Variants in WWOX observed in about 807,000 individuals in gnomAD.
The protein encoded by WWOX is WW domain-containing oxidoreductase.
WWOX carries 69 observed loss-of-function variants against 46.2 expected under a neutral mutation model. The ratio of observed to expected loss-of-function variants is 1.49; its 90% CI spans 1.23 to 1.82. The LOEUF (loss-of-function observed/expected upper bound fraction) is 1.82. Among genes scored for constraint, WWOX ranks in the 40% most tolerant of loss-of-function variants. WWOX has a pLI of 0.00. For synonymous variants in WWOX, 359 were observed against 202.6 expected (o/e 1.77, Z -6.56); for missense variants, 919 against 542.6 (o/e 1.69, Z -6.89).
intron 8 of WWOX, among the ~76,000 whole-genome samples, chr16:78,928,360 G>A (rs558398115): frequency 3.7e-4 from 56 of 151,596 alleles, no homozygotes; most frequent in Non-Finnish European, 6.5e-4. Context: ...CCGCTACCAC[G>A]CCCGGCTAAT....
At position 78,848,040 on chromosome 16, in the gene WWOX, C is replaced by G. The variant is rs561018734; in HGVS notation, c.1057-363568C>G. Reference sequence around the variant, plus strand: ...GGTGCCTGGCATATGAGTGAGGTCCCTCTAGAGTCATCTAGCTACTAGCCA... The same window carrying G: ...GGTGCCTGGCATATGAGTGAGGTCCGTCTAGAGTCATCTAGCTACTAGCCA... On this transcript the variant is annotated intron_variant, in intron 8 of 8. Coordinates refer to ENST00000566780, the MANE Select transcript of WWOX (RefSeq NM_016373.4). 2.2e-3 allele frequency among the ~76,000 whole-genome samples: 336 copies of G among 152,296 alleles called. 3 individuals carry two copies. The highest frequency in any genetic ancestry group is 3.5e-3 in the Non-Finnish European group (235 of 68,024).
intron 7 of WWOX, among the ~76,000 whole-genome samples, chr16:78,430,422 C>T (rs1292743693): frequency 6.6e-6 from 1 of 152,080 alleles, no homozygotes. Flanking sequence ...GTTGCACTAC[C>T]CACCTGGAAA....
At chr16:79,156,891 C>T (rs1844380719) in intron 8 of WWOX, among the ~76,000 whole-genome samples, 1 of 151,298 alleles carries the variant, frequency 6.6e-6, no homozygotes, top group Non-Finnish European at 1.5e-5. Flanking sequence ...TAACAACTAA[C>T]AGAAAAACTT....
At chr16:78,862,395 A>G (rs1225752647) in intron 8 of WWOX, among the ~76,000 whole-genome samples, 1 of 151,556 alleles carries the variant, frequency 6.6e-6, no homozygotes, top group Non-Finnish European at 1.5e-5. Context: ...TATACACACT[A>G]TAGTGTATGT....
chr16:78,605,619 G>C (rs1224549706), intron 8 of WWOX, among the ~76,000 whole-genome samples: 1 of 152,140 alleles, frequency 6.6e-6, no homozygotes, highest in African/African-American at 2.4e-5. Flanking sequence ...CAACCCAAAT[G>C]TTAAAATTTC....
chr16:78,761,559 G>A (rs2049794901), intron 8 of WWOX, among the ~76,000 whole-genome samples: 1 of 151,944 alleles, frequency 6.6e-6, no homozygotes, highest in African/African-American at 2.4e-5. Context: ...TTTGTGGTGG[G>A]CTCACAGCTC....
At chr16:78,904,014 A>G (rs1293905420) in intron 8 of WWOX, among the ~76,000 whole-genome samples, 4 of 152,136 alleles carry the variant, frequency 2.6e-5, no homozygotes, top group African/African-American at 7.2e-5. Flanking sequence ...CTATAATCAT[A>G]TATCATCAAC....
intron 8 of WWOX, among the ~76,000 whole-genome samples, chr16:79,162,319 G>A (rs2050502578): frequency 6.6e-6 from 1 of 152,228 alleles, no homozygotes; most frequent in African/African-American, 2.4e-5. Context: ...TCAAAGTACA[G>A]TTTCCTGCCT....
chr16:78,278,659 A>T (rs762185318), intron 5 of WWOX: 2 of 1,608,714 alleles, frequency 1.2e-6, no homozygotes, highest in Admixed American at 3.3e-5. Flanking sequence ...TCCACTAGCA[A>T]AAGAAGGAAA....
intron 8 of WWOX, among the ~76,000 whole-genome samples, chr16:78,949,154 T>C (rs975770715): frequency 6.6e-6 from 1 of 152,138 alleles, no homozygotes; most frequent in Admixed American, 6.5e-5. Context: ...CTGAATAGGT[T>C]TGGCAGCAGA....
chr16:78,415,753 G>C (rs183097968), intron 6 of WWOX, among the ~76,000 whole-genome samples: 194 of 152,282 alleles, frequency 1.3e-3, no homozygotes, highest in African/African-American at 4.5e-3. Flanking sequence ...CTCCACTCTT[G>C]CCAGAAAGCC....
chr16:78,895,534 A>G (rs927707583), intron 8 of WWOX: 5 of 152,180 alleles, frequency 3.3e-5, no homozygotes, highest in African/African-American at 9.7e-5. Flanking sequence ...TTTGTTGTCA[A>G]ATTTACACTG....
At chr16:78,878,099 T>A (rs2044269875) in intron 8 of WWOX, among the ~76,000 whole-genome samples, 1 of 152,128 alleles carries the variant, frequency 6.6e-6, no homozygotes, top group Non-Finnish European at 1.5e-5. Flanking sequence ...ACTGGCTCAG[T>A]AAGTATCCAC....
intron 8 of WWOX, among the ~76,000 whole-genome samples, chr16:78,634,398 A>G (rs1349740871): frequency 6.6e-6 from 1 of 152,186 alleles, no homozygotes; most frequent in East Asian, 1.9e-4. Flanking sequence ...CTGGGAGAGC[A>G]AGTGGAGCTG....
At chr16:78,345,442 A>G (rs1738463254) in intron 5 of WWOX, among the ~76,000 whole-genome samples, 2 of 82,234 alleles carry the variant, frequency 2.4e-5, no homozygotes, top group East Asian at 4.7e-4. Flanking sequence ...GCACCATGGC[A>G]AAACCCCATC....
chr16:78,382,827 G>A lies in WWOX; in HGVS notation c.517-4033G>A, dbSNP rs374495678. On this transcript the variant is annotated intron_variant, in intron 5 of 8. Coordinates refer to ENST00000566780, the MANE Select transcript of WWOX (RefSeq NM_016373.4). ...CAAAGGTACAGCAAAGAAAATAAAC[G>A]CATCTCAAGTTGTGTTAGTTCCTTC... Among the ~76,000 whole-genome samples, 29 of 151,964 alleles carry A rather than the reference G, an allele frequency of 1.9e-4. No individual in the cohort carries two copies. In the East Asian group the frequency reaches 3.7e-3, roughly 19 times the overall value.
chr16:78,867,774 A>T (rs1315078244), intron 8 of WWOX, among the ~76,000 whole-genome samples: 1 of 152,230 alleles, frequency 6.6e-6, no homozygotes, highest in African/African-American at 2.4e-5. Flanking sequence ...ACTAATTTTT[A>T]TACTGCCAAT....
intron 8 of WWOX, among the ~76,000 whole-genome samples, chr16:78,879,074 G>C (rs2044290107): frequency 6.6e-6 from 1 of 151,998 alleles, no homozygotes; most frequent in Admixed American, 6.6e-5. Flanking sequence ...AGGAGGAAGG[G>C]AGGGAAGGAG....
chr16:78,468,999 A>T lies in WWOX; in HGVS notation c.1056+36247A>T, dbSNP rs533076996. On this transcript the variant is annotated intron_variant, in intron 8 of 8. Transcript: ENST00000566780. Reference sequence around the variant, plus strand: ...TAGTTCTGAATGACTTGACTTAGCTATCTTTCTTGAGTCTCTCAAAAGACA... The same window carrying T: ...TAGTTCTGAATGACTTGACTTAGCTTTCTTTCTTGAGTCTCTCAAAAGACA... 2.0e-5 allele frequency among the ~76,000 whole-genome samples: 3 copies of T among 152,280 alleles called. No homozygotes were observed. In the South Asian group the frequency reaches 6.2e-4, roughly 32 times the overall value.
Sources: allele counts gnomAD v4.1 joint callset (sites outside exome capture counted in the v4.1 genomes callset), GRCh38; gene constraint gnomAD v4.1.1; transcripts MANE v1.5; gene names NCBI Gene and HGNC (gene_info 2026-07-23, HGNC 2026-07-21).